The following IL1RAPL1 variants were observed in gnomAD, a reference collection of about 807,000 sequenced individuals.
IL1RAPL1 encodes the protein interleukin-1 receptor accessory protein-like 1.
Under a neutral mutation model 48.4 loss-of-function variants are expected in IL1RAPL1, and 3 were observed. The ratio of observed to expected loss-of-function variants is 0.06; its 90% confidence interval spans 0.03 to 0.16. The LOEUF is 0.16. IL1RAPL1 is among the 10% of genes least tolerant of loss of function. The pLI, the probability that IL1RAPL1 is intolerant of heterozygous loss-of-function variation, is 1.00. For missense variants in IL1RAPL1, 349 were observed against 530.6 expected, an observed-to-expected ratio of 0.66 and a Z score of 3.36; for synonymous variants, 185 against 187.7, an observed-to-expected ratio of 0.99 and a Z score of 0.12.
intron 2 of IL1RAPL1, among the ~76,000 whole-genome samples, chrX:29,280,673 G>T (rs1277187607): frequency 1.8e-5 from 2 of 112,237 alleles, no homozygotes; most frequent in Non-Finnish European, 3.8e-5. Context: ...TGGCTAAAAA[G>T]GGAAGTGAGA....
chrX:28,819,336 A>G (rs969608563), intron 2 of IL1RAPL1, among the ~76,000 whole-genome samples: 4 of 111,297 alleles, frequency 3.6e-5, no homozygotes, highest in Non-Finnish European at 5.7e-5. Flanking sequence ...CAAGATAATT[A>G]TATGGAGCAA....
At chrX:28,784,059 A>T (rs1936450064) in intron 1 of IL1RAPL1, among the ~76,000 whole-genome samples, 1 of 112,054 alleles carries the variant, frequency 8.9e-6, no homozygotes, top group Non-Finnish European at 1.9e-5. Flanking sequence ...ATTTGTGTTT[A>T]ATTTCCTCAA....
intron 1 of IL1RAPL1, among the ~76,000 whole-genome samples, chrX:28,641,858 G>A (rs143599831): frequency 0.012 from 1,292 of 110,907 alleles, 16 homozygotes; most frequent in African/African-American, 0.04. Flanking sequence ...TATTGGCCGC[G>A]TAAATGTCTT....
intron 6 of IL1RAPL1, among the ~76,000 whole-genome samples, chrX:29,677,589 C>T (rs1335413907): frequency 8.9e-6 from 1 of 111,880 alleles, no homozygotes; most frequent in Non-Finnish European, 1.9e-5. Context: ...CAGATTTTTA[C>T]ATTTTTGTAA....
chrX:29,153,838 C>T (rs527502823), intron 2 of IL1RAPL1, among the ~76,000 whole-genome samples: 1 of 112,162 alleles, frequency 8.9e-6, no homozygotes, highest in East Asian at 2.8e-4. Context: ...GGATATGGAG[C>T]TCATCATTCA....
chrX:29,309,692 A>G (rs1402257188), intron 3 of IL1RAPL1, among the ~76,000 whole-genome samples: 11 of 110,188 alleles, frequency 1.0e-4, no homozygotes, highest in Non-Finnish European at 1.9e-4. Flanking sequence ...GGGCGCCTGT[A>G]ACCCCGGCCA....
At chrX:29,294,678 A>C (rs994896217) in intron 3 of IL1RAPL1, among the ~76,000 whole-genome samples, 1 of 111,488 alleles carries the variant, frequency 9.0e-6, no homozygotes, top group Admixed American at 9.6e-5. Context: ...TTACTTACAC[A>C]GACAGGTGGT....
At chrX:29,645,779 G>A (rs1666321163) in intron 5 of IL1RAPL1, among the ~76,000 whole-genome samples, 1 of 111,862 alleles carries the variant, frequency 8.9e-6, no homozygotes, top group Non-Finnish European at 1.9e-5. Flanking sequence ...CAACATTGGT[G>A]ACCATAGGAT....
At chrX:29,650,341 AT>A (rs1183386061) in intron 5 of IL1RAPL1, among the ~76,000 whole-genome samples, 9 of 112,070 alleles carry the variant, frequency 8.0e-5, no homozygotes, top group Admixed American at 6.6e-4. Context: ...AAAAAGAACA[AT>A]GCTGGAGGCA....
intron 2 of IL1RAPL1, among the ~76,000 whole-genome samples, chrX:29,157,198 G>A (rs1442705811): frequency 9.0e-6 from 1 of 111,565 alleles, no homozygotes; most frequent in Admixed American, 9.6e-5. Flanking sequence ...AGGGAGATCT[G>A]TAGATAACTA....
chrX:28,962,821 TG>T (rs772157690), intron 2 of IL1RAPL1, among the ~76,000 whole-genome samples: 3 of 107,750 alleles, frequency 2.8e-5, no homozygotes, highest in Admixed American at 1.0e-4. Context: ...TTGGTATCCG[TG>T]GGGGGGGTCC....
chrX:29,367,766 A>G (rs1470734954), intron 3 of IL1RAPL1, among the ~76,000 whole-genome samples: 1 of 108,504 alleles, frequency 9.2e-6, no homozygotes, highest in East Asian at 2.9e-4. Flanking sequence ...TTTTTAGGAG[A>G]CAGGTTTTCA....
chrX:29,551,319 G>A (rs900848258), intron 5 of IL1RAPL1, among the ~76,000 whole-genome samples: 1 of 111,965 alleles, frequency 8.9e-6, no homozygotes, highest in African/African-American at 3.2e-5. Context: ...ACGTGCTGAT[G>A]AATTGAATAT....
intron 6 of IL1RAPL1, among the ~76,000 whole-genome samples, chrX:29,697,424 G>A (rs1926939801): frequency 8.9e-6 from 1 of 112,216 alleles, no homozygotes; most frequent in Non-Finnish European, 1.9e-5. Context: ...AAAACAGGTA[G>A]CCCTAAATTA....
In IL1RAPL1 at chrX:29,283,003, C is replaced by G. The variant is rs781674023; in HGVS notation, c.148C>G (p.Arg50Gly). ...TCAAGTTTTGGTGGGAGAGCCTGTT[C>G]GAATCAAATGTGCACTCTTTTATGG... ...KYQVLVGEPV[R>G]IKCALFYGYI... The change falls in exon 3 of 11, where the codon CGA becomes GGA. Residue 50 changes from arginine to glycine, a missense_variant. Arg to Gly is a moderately radical substitution (Grantham distance 125). Coordinates refer to ENST00000378993, the MANE Select transcript of IL1RAPL1 (RefSeq NM_014271.4). The G allele has an allele frequency of 1.3e-5, 16 of 1,209,665 alleles. No homozygotes were observed. The highest frequency in any genetic ancestry group is 1.7e-5 in the Non-Finnish European group (15 of 893,832).
chrX:28,628,615 T>A (rs1934367047), intron 1 of IL1RAPL1, among the ~76,000 whole-genome samples: 1 of 112,448 alleles, frequency 8.9e-6, no homozygotes. Context: ...GAGCCCTTTA[T>A]GTTCTTAAGT....
intron 6 of IL1RAPL1, among the ~76,000 whole-genome samples, chrX:29,733,651 T>C (rs1048571681): frequency 2.7e-5 from 3 of 112,539 alleles, no homozygotes; most frequent in African/African-American, 6.5e-5. Flanking sequence ...TAAGATCCCA[T>C]TGGGGCATCA....
intron 2 of IL1RAPL1, among the ~76,000 whole-genome samples, chrX:28,802,365 C>T (rs1936686391): frequency 8.9e-6 from 1 of 112,021 alleles, no homozygotes; most frequent in Non-Finnish European, 1.9e-5. Flanking sequence ...AGACACCTTG[C>T]ATGGGAAATG....
chrX:29,616,324 CTT>C (rs57186880), intron 5 of IL1RAPL1, among the ~76,000 whole-genome samples: 48,254 of 102,288 alleles, frequency 0.47, 9,190 homozygotes, highest in African/African-American at 0.68. Context: ...AGGAGGGATT[CTT>C]TTTTTTTTTT....
Sources: gnomAD v4.1 joint callset for allele counts (sites outside exome capture counted in the v4.1 genomes callset) on GRCh38, gnomAD v4.1.1 for gene constraint, MANE v1.5 for transcripts, NCBI Gene and HGNC (gene_info 2026-07-23, HGNC 2026-07-21) for gene names.